The following ABCB5 variants were observed in gnomAD, a reference collection of about 807,000 sequenced individuals.
ABCB5 encodes ATP binding cassette subfamily B member 5.
ABCB5 carries 155 observed loss-of-function variants against 144.2 expected under a neutral mutation model. That is an observed-to-expected ratio of 1.08 (90% CI 0.94 to 1.23). The LOEUF is 1.23. Among genes scored for constraint, ABCB5 ranks in the 50% most tolerant of loss-of-function variants. ABCB5 has a pLI of 0.00. For synonymous variants in ABCB5, 610 were observed against 528.6 expected (o/e 1.15, Z -2.11); for missense variants, 1,830 against 1,520.8 (o/e 1.20, Z -3.38).
chr7:20,657,481 T>A (rs147338478), intron 13 of ABCB5, among the ~76,000 whole-genome samples: 88 of 152,268 alleles, frequency 5.8e-4, no homozygotes, highest in Non-Finnish European at 1.2e-3. Flanking sequence ...TGGATGAATA[T>A]CAAAAACATT....
intron 14 of ABCB5, among the ~76,000 whole-genome samples, chr7:20,681,016 TTCTTTCTTTCTTTCTTTC>T (rs1785786516): frequency 2.3e-4 from 1 of 4,440 alleles, no homozygotes; most frequent in African/African-American, 9.5e-4. Flanking sequence ...CTTTCTTTCT[TTCTTTCTTTCTTTCTTTC>T]TCTTTCTTTC....
At chr7:20,715,874 C>A (rs911118691) in intron 20 of ABCB5, among the ~76,000 whole-genome samples, 1 of 152,020 alleles carries the variant, frequency 6.6e-6, no homozygotes, top group African/African-American at 2.4e-5. Flanking sequence ...TGCCCACCAC[C>A]ACGCCCAGCT....
intron 27 of ABCB5, among the ~76,000 whole-genome samples, chr7:20,753,988 G>A (rs1562595013): frequency 1.3e-5 from 2 of 152,188 alleles, no homozygotes; most frequent in African/African-American, 4.8e-5. Context: ...GAAAATACTT[G>A]CACAGCAAGC....
intron 23 of ABCB5, among the ~76,000 whole-genome samples, chr7:20,733,762 C>G (rs1468102534): frequency 2.0e-5 from 3 of 152,100 alleles, no homozygotes; most frequent in African/African-American, 7.2e-5. Flanking sequence ...CCTCAGCCTC[C>G]TGAGTAGTTG....
chr7:20,633,618 A>G (rs1201564526), intron 5 of ABCB5, among the ~76,000 whole-genome samples: 3 of 152,154 alleles, frequency 2.0e-5, no homozygotes, highest in African/African-American at 7.2e-5. Context: ...CGTATTGGGA[A>G]TGTTCAGTAT....
chr7:20,698,639 G>A, intron 17 of ABCB5, 89 bp downstream of exon 17: 1 of 1,305,368 alleles, frequency 7.7e-7, no homozygotes, highest in African/African-American at 1.5e-5. Context: ...AACCACAAGG[G>A]GAAAATTGGG....
chr7:20,643,700 G>A, intron 7 of ABCB5, 68 bp downstream of exon 7: 1 of 1,551,472 alleles, frequency 6.4e-7, no homozygotes, highest in Admixed American at 1.9e-5. Context: ...CACTGAGTTT[G>A]TTCAAAAATG....
intron 20 of ABCB5, among the ~76,000 whole-genome samples, chr7:20,719,330 T>C (rs1781785307): frequency 6.6e-6 from 1 of 152,192 alleles, no homozygotes; most frequent in Admixed American, 6.5e-5. Flanking sequence ...AAATGTGTAG[T>C]TCTTATAAAA....
chr7:20,669,991 T>A (rs1785412004), intron 14 of ABCB5, among the ~76,000 whole-genome samples: 1 of 152,236 alleles, frequency 6.6e-6, no homozygotes. Flanking sequence ...ATAGGCTGAA[T>A]ATCTTACCTG....
rs897210967 is a variant in ABCB5 at position 20,665,867 on chromosome 7, A to C, written c.1707+7191A>C. Among the ~76,000 whole-genome samples, 3 of 1,714 alleles carry C rather than the reference A, an allele frequency of 1.8e-3. No homozygotes were observed. The African/African-American group carries it at 0.033, about 19-fold the overall frequency. 1.1% of individuals were successfully genotyped at this position (1,714 alleles called of 152,430 possible). A position where few individuals can be genotyped will look rare whatever the true frequency, so the allele number is the denominator to read the frequency against. ...TATTTGTTGAAAGGATTTTGCAGTT[A>C]AAAAAAAAAAAAAAATGTTGGGCCG... On this transcript the variant is annotated intron_variant, in intron 14 of 27. Coordinates refer to ENST00000404938, the MANE Select transcript of ABCB5 (RefSeq NM_001163941.2).
intron 25 of ABCB5, among the ~76,000 whole-genome samples, chr7:20,744,046 G>T (rs568535493): frequency 6.6e-6 from 1 of 151,848 alleles, no homozygotes; most frequent in Non-Finnish European, 1.5e-5. Flanking sequence ...GTTTTTTGGG[G>T]GGCTTTTGTA....
chr7:20,623,223 A>G lies in ABCB5; in HGVS notation c.-21-42A>G. The G allele has an allele frequency of 7.8e-6, 9 of 1,160,368 alleles. No individual in the cohort carries two copies. The South Asian group carries it at 1.2e-4, about 15-fold the overall frequency. The allele number at this position is 1,160,368 out of a possible 1,614,324, so 71.9% of individuals were successfully genotyped here. A position where few individuals can be genotyped will look rare whatever the true frequency, so the allele number is the denominator to read the frequency against. On this transcript the variant is annotated intron_variant, in intron 1 of 27. Transcript: ENST00000404938. ...ATGCTGTATATCAACTAAGTGATAAAAGTCACATAGCCATAATACATTTGT... is the reference window on the plus strand; with the variant it reads ...ATGCTGTATATCAACTAAGTGATAAGAGTCACATAGCCATAATACATTTGT...
chr7:20,704,202 A>T (rs1465815045), intron 19 of ABCB5, among the ~76,000 whole-genome samples: 1 of 148,612 alleles, frequency 6.7e-6, no homozygotes, highest in African/African-American at 2.5e-5. Context: ...TCAGCCTCCC[A>T]AGTAGCTGGG....
At chr7:20,719,648 T>C (rs1201644871) in intron 20 of ABCB5, among the ~76,000 whole-genome samples, 1 of 152,112 alleles carries the variant, frequency 6.6e-6, no homozygotes, top group East Asian at 1.9e-4. Flanking sequence ...GGCAGCCCCG[T>C]GCAGGGAAGC....
rs780510782 is a variant in ABCB5, at chr7:20,658,527, GA to G, written c.1563del (p.Gly522GlufsTer4). 6.2e-7 allele frequency: 1 copy of G among 1,613,932 alleles called. No homozygotes were observed. Among genetic ancestry groups the G allele is most frequent in the Non-Finnish European group, 8.5e-7 (1 of 1,179,964 alleles). On this transcript the variant is annotated frameshift_variant, in exon 14 of 28. Coordinates refer to ENST00000404938, the MANE Select transcript of ABCB5 (RefSeq NM_001163941.2). LOFTEE classifies it high-confidence loss of function. The part of the protein sequence containing the change: ...FPNKFNTLVG[E>X]KGAQMSGGQK... The stretch of plus-strand genomic sequence containing the variant: ...TTAGAAATTTAATACATTGGTAGGG[GA>G]AAAAGGAGCTCAAATGAGTGGAGGG...
chr7:20,618,769 T>TTC (rs1271485816), intron 1 of ABCB5, among the ~76,000 whole-genome samples: 1 of 121,682 alleles, frequency 8.2e-6, no homozygotes, highest in East Asian at 2.3e-4. Flanking sequence ...ATTTTCTTTT[T>TTC]TTTTTTTTTT....
chr7:20,649,265 T>A (rs1784506632), intron 11 of ABCB5, among the ~76,000 whole-genome samples: 1 of 152,172 alleles, frequency 6.6e-6, no homozygotes, highest in South Asian at 2.1e-4. Context: ...GAAGGTTTTA[T>A]GTTTGGCTTA....
intron 1 of ABCB5, 150 bp from the exon 2 acceptor site, chr7:20,623,115 C>A (rs986216187): frequency 1.8e-6 from 1 of 564,336 alleles, no homozygotes; most frequent in Non-Finnish European, 3.2e-6. Flanking sequence ...TAGCCAGAAA[C>A]TTCAATTGGA....
chr7:20,654,665 C>CATATTATATATATATGTAATTAT (rs1473850222), intron 13 of ABCB5, among the ~76,000 whole-genome samples: 9 of 152,094 alleles, frequency 5.9e-5, no homozygotes, highest in Admixed American at 3.9e-4. Flanking sequence ...GTTCTCAGAC[C>CATATTATATATATATGTAATTAT]ATAATATAAG....
Sources: gnomAD v4.1 joint callset for allele counts (sites outside exome capture counted in the v4.1 genomes callset) on GRCh38, gnomAD v4.1.1 for gene constraint, MANE v1.5 for transcripts, NCBI Gene and HGNC (gene_info 2026-07-23, HGNC 2026-07-21) for gene names.